The following DNAI1 variants were observed in gnomAD, a reference collection of about 807,000 sequenced individuals.
DNAI1 encodes dynein axonemal intermediate chain 1.
A neutral mutation model predicts 92.0 loss-of-function variants in DNAI1; 67 were observed. The ratio of observed to expected loss-of-function variants is 0.73; its 90% CI spans 0.60 to 0.89. DNAI1 has a LOEUF of 0.89. DNAI1 is among the 40% of genes least tolerant of loss of function. DNAI1 has a pLI of 0.00. For missense variants in DNAI1, 839 were observed against 866.6 expected, an observed-to-expected ratio of 0.97 and a Z score of 0.40; for synonymous variants, 323 against 319.6, an observed-to-expected ratio of 1.01 and a Z score of -0.11.
chr9:34,467,479 A>ACC (rs1824060176), intron 1 of DNAI1, among the ~76,000 whole-genome samples: 1 of 139,960 alleles, frequency 7.1e-6, no homozygotes, highest in South Asian at 2.3e-4. Flanking sequence ...ACACACACAC[A>ACC]CACCACAAAT....
At chr9:34,470,176 T>C (rs748740127) in intron 1 of DNAI1, among the ~76,000 whole-genome samples, 3 of 151,876 alleles carry the variant, frequency 2.0e-5, no homozygotes, top group Non-Finnish European at 2.9e-5. Context: ...GAAAAGCCAA[T>C]AGAGAAAGCA....
At chr9:34,492,493 G>GATACATATATATAT (rs1554688186) in intron 8 of DNAI1, among the ~76,000 whole-genome samples, 1 of 68,268 alleles carries the variant, frequency 1.5e-5, no homozygotes, top group Non-Finnish European at 3.1e-5. Context: ...GGGATATGAA[G>GATACATATATATAT]ATATATATAT....
intron 9 of DNAI1, among the ~76,000 whole-genome samples, chr9:34,496,780 C>A (rs999214061): frequency 1.3e-5 from 2 of 152,214 alleles, no homozygotes; most frequent in African/African-American, 2.4e-5. Flanking sequence ...CTCTCCCCTG[C>A]AGACCCTTCC....
At chr9:34,490,595 A>G (rs1329955237) in intron 7 of DNAI1, 107 bp downstream of exon 7, 1 of 1,460,084 alleles carries the variant, frequency 6.8e-7, no homozygotes, top group Admixed American at 1.7e-5. Flanking sequence ...CAGGGGTGAC[A>G]GGACAACAGA....
chr9:34,510,748 C>T (rs1825049019), intron 13 of DNAI1, among the ~76,000 whole-genome samples: 1 of 152,136 alleles, frequency 6.6e-6, no homozygotes, highest in African/African-American at 2.4e-5. Flanking sequence ...AGCTCCCTAG[C>T]GCCTCTTACA....
At chr9:34,476,368 C>T (rs572510198) in intron 1 of DNAI1, among the ~76,000 whole-genome samples, 10 of 152,352 alleles carry the variant, frequency 6.6e-5, no homozygotes, top group South Asian at 4.1e-4. Flanking sequence ...CTCCTCTCCA[C>T]GGCTTTCCAG....
intron 1 of DNAI1, among the ~76,000 whole-genome samples, chr9:34,477,769 G>T (rs1256685136): frequency 2.6e-5 from 4 of 151,986 alleles, no homozygotes; most frequent in Non-Finnish European, 5.9e-5. Context: ...TGGAGGAAGT[G>T]GCAGTTTAGG....
intron 1 of DNAI1, among the ~76,000 whole-genome samples, chr9:34,463,403 T>C (rs137909728): frequency 1.7e-4 from 26 of 152,326 alleles, no homozygotes; most frequent in African/African-American, 6.3e-4. Context: ...TTAAAATGCT[T>C]GAATGTCAGG....
intron 1 of DNAI1, among the ~76,000 whole-genome samples, chr9:34,483,191 G>A (rs1311206350): frequency 1.3e-5 from 2 of 152,192 alleles, no homozygotes; most frequent in African/African-American, 4.8e-5. Flanking sequence ...TGAGGGAGTG[G>A]GCTCCGGCCT....
At chr9:34,508,045 C>T (rs1824977325) in intron 13 of DNAI1, among the ~76,000 whole-genome samples, 1 of 152,206 alleles carries the variant, frequency 6.6e-6, no homozygotes, top group African/African-American at 2.4e-5. Flanking sequence ...CTTTCAAAGG[C>T]TGTGTACTAT....
intron 13 of DNAI1, among the ~76,000 whole-genome samples, chr9:34,510,869 T>TGGA (rs1301234388): frequency 2.6e-5 from 4 of 152,218 alleles, no homozygotes; most frequent in Non-Finnish European, 4.4e-5. Context: ...CCTCACAGGC[T>TGGA]CTGTGGCGCT....
intron 11 of DNAI1, 77 bp downstream of exon 11, chr9:34,500,916 A>G (rs1824819626): frequency 2.5e-6 from 3 of 1,194,200 alleles, no homozygotes; most frequent in Non-Finnish European, 3.8e-6. Context: ...CCCCTTCTGC[A>G]CTTAACCACC....
At chr9:34,489,592 A>G in intron 5 of DNAI1, 143 bp downstream of exon 5, 2 of 1,020,568 alleles carry the variant, frequency 2.0e-6, no homozygotes, top group South Asian at 2.7e-5. Context: ...GTTCTTGCCT[A>G]TAATCCCAGC....
intron 16 of DNAI1, among the ~76,000 whole-genome samples, 181 bp from the exon 17 acceptor site, chr9:34,514,213 C>A (rs554940371): frequency 5.1e-4 from 77 of 152,300 alleles, no homozygotes; most frequent in African/African-American, 1.8e-3. Flanking sequence ...ATCCTCAAGC[C>A]CTTCCTTTCC....
intron 6 of DNAI1, 121 bp from the exon 7 acceptor site, chr9:34,490,248 G>A: frequency 1.1e-5 from 18 of 1,606,114 alleles, no homozygotes; most frequent in Non-Finnish European, 1.4e-5. Context: ...AGGTGCCAAT[G>A]TGTCTGGCAG....
chr9:34,494,316 C>T (rs1170612934), intron 9 of DNAI1, among the ~76,000 whole-genome samples: 7 of 152,156 alleles, frequency 4.6e-5, no homozygotes, highest in East Asian at 1.9e-4. Flanking sequence ...TTTGAGGGTA[C>T]CCTGCCTTGG....
intron 1 of DNAI1, among the ~76,000 whole-genome samples, chr9:34,472,128 T>C (rs1824148234): frequency 6.6e-6 from 1 of 152,222 alleles, no homozygotes; most frequent in African/African-American, 2.4e-5. Flanking sequence ...ATAATAAAAA[T>C]AATGACAGCC....
chr9:34,519,868 CCT>C (rs1491569528), intron 19 of DNAI1, among the ~76,000 whole-genome samples: 1 of 152,200 alleles, frequency 6.6e-6, no homozygotes, highest in Non-Finnish European at 1.5e-5. Context: ...CCCTCACCCC[CCT>C]GCCTGGACAG....
intron 1 of DNAI1, among the ~76,000 whole-genome samples, chr9:34,473,464 G>A: frequency 6.6e-6 from 1 of 151,810 alleles, no homozygotes; most frequent in Non-Finnish European, 1.5e-5. Context: ...GCTAATTTTT[G>A]TATTTTTAGT....
Sources: gnomAD v4.1 joint callset for allele counts (sites outside exome capture counted in the v4.1 genomes callset) on GRCh38, gnomAD v4.1.1 for gene constraint, MANE v1.5 for transcripts, NCBI Gene and HGNC (gene_info 2026-07-23, HGNC 2026-07-21) for gene names.